ZNF28: variants seen among roughly 807,000 people sequenced by gnomAD.
ZNF28 encodes zinc finger protein 28, also known as zinc finger protein KOX24.
In ZNF28, 5 loss-of-function variants were observed where a neutral mutation model predicts 7.2. That is an observed-to-expected ratio of 0.70 (90% CI 0.36 to 1.46). The LOEUF is 1.46. Ranked by LOEUF, ZNF28 falls within the 40% of genes most tolerant of loss-of-function variation. ZNF28 has a pLI of 0.03. For synonymous variants in ZNF28, 288 were observed against 292.4 expected, an observed-to-expected ratio of 0.99 and a Z score of 0.15; for missense variants, 879 against 866.6, an observed-to-expected ratio of 1.01 and a Z score of -0.18.
chr19:52,802,768 T>G (rs1056640516), intron 3 of ZNF28, among the ~76,000 whole-genome samples: 2 of 151,586 alleles, frequency 1.3e-5, no homozygotes, highest in African/African-American at 4.8e-5. Context: ...TGACTTTTTT[T>G]TTTTTTTTTT....
At position 52,800,015 on chromosome 19, in the gene ZNF28, A is replaced by T; in HGVS notation, c.1830T>A (p.Asn610Lys). 6.2e-7 allele frequency: 1 copy of T among 1,614,136 alleles called. No individual in the cohort carries two copies. The highest frequency in any genetic ancestry group is 1.6e-4 in the Middle Eastern group (1 of 6,062). ...VHTGEKPYKC[N>K]ECGKTFRQTS... ...TCTGACGGAAGGTCTTGCCACACTCATTACACTTGTAAGGTTTCTCTCCAG... is the reference window on the plus strand; with the variant it reads ...TCTGACGGAAGGTCTTGCCACACTCTTTACACTTGTAAGGTTTCTCTCCAG... Residue 610 changes from asparagine to lysine, a missense_variant, in exon 4 of 4, where the codon AAT (asparagine) becomes AAA (lysine). Physicochemically the swap from Asn to Lys is moderately conservative, Grantham distance 94. This residue lies in a region of ZNF28 where 864 missense variants were observed against 830.2 expected (regional missense o/e 1.04). Coordinates refer to ENST00000457749, the MANE Select transcript of ZNF28 (RefSeq NM_006969.5).
chr19:52,813,366 C>T (rs183514547), intron 2 of ZNF28, among the ~76,000 whole-genome samples: 8 of 148,498 alleles, frequency 5.4e-5, no homozygotes, highest in Admixed American at 4.0e-4. Flanking sequence ...GGGCAGGGGG[C>T]GGCTTATTCA....
Position 52,820,435 on chromosome 19 carries a change from G to C in ZNF28, c.-74+1151C>G, listed in dbSNP as rs115008835. Among the ~76,000 whole-genome samples, 15 of 149,924 alleles carry C rather than the reference G, an allele frequency of 1.0e-4. 2 individuals carry two copies. The highest frequency in any genetic ancestry group is 1.5e-4 in the Non-Finnish European group (10 of 67,860). On this transcript the variant is annotated intron_variant, in intron 1 of 3. Transcript: ENST00000457749. ...CCCGGCCCTTATTTAACCTCTTGTT[G>C]GTCCTTCTCCCCAATCTTTAGATCG...
intron 2 of ZNF28, 97 bp from the exon 3 acceptor site, chr19:52,808,230 T>C: frequency 6.5e-7 from 1 of 1,550,274 alleles, no homozygotes; most frequent in South Asian, 1.2e-5. Flanking sequence ...TTAGTTGTAG[T>C]GAATGTTCTC....
chr19:52,817,800 T>C lies in ZNF28; in HGVS notation c.15+144A>G, dbSNP rs1056383413. 5 of 1,533,308 alleles carry C rather than the reference T, an allele frequency of 3.3e-6. No homozygotes were observed. In the African/African-American group the frequency reaches 5.5e-5, roughly 17 times the overall value. 95.0% of individuals were successfully genotyped at this position (1,533,308 alleles called of 1,614,324 possible). ...CACCAGAGATGGAATCTAAGCGAGA[T>C]GAGATGAACTGAAGGAAGGCATGGG... On this transcript the variant is annotated intron_variant, in intron 2 of 3. Transcript: ENST00000457749.
chr19:52,807,771 A>T lies in ZNF28; in HGVS notation c.142+236T>A, dbSNP rs1052547936. 9.9e-6 allele frequency: 7 copies of T among 709,956 alleles called. No individual in the cohort carries two copies. In the African/African-American group the frequency reaches 1.3e-4, roughly 13 times the overall value. 44.0% of individuals were successfully genotyped at this position (709,956 alleles called of 1,614,324 possible). A position where few individuals can be genotyped will look rare whatever the true frequency, so the allele number is the denominator to read the frequency against. On this transcript the variant is annotated intron_variant, in intron 3 of 3. Coordinates refer to ENST00000457749, the MANE Select transcript of ZNF28 (RefSeq NM_006969.5). ...ATAACAGGCGTGAGCCACCACGACC[A>T]GGCTGCCATAAAGTTTTATGCCTAC... is the stretch of plus-strand genomic sequence containing the variant.
intron 1 of ZNF28, among the ~76,000 whole-genome samples, chr19:52,820,858 T>C (rs1407336984): frequency 6.6e-6 from 1 of 152,134 alleles, no homozygotes; most frequent in Non-Finnish European, 1.5e-5. Flanking sequence ...TGGGTCTTTC[T>C]CATTCTTCTT....
chr19:52,799,398 G>A lies in ZNF28; in HGVS notation c.*290C>T. On this transcript the variant is annotated 3_prime_UTR_variant, in exon 4 of 4. Coordinates refer to ENST00000457749, the MANE Select transcript of ZNF28 (RefSeq NM_006969.5). ...CATTTTCTTATGTGTTTCAAGGTTT[G>A]ATTTGCAACCGAAAACTTTGTCACA... 1 of 634,930 alleles carries A rather than the reference G, an allele frequency of 1.6e-6. No homozygotes were observed. The highest frequency in any genetic ancestry group is 2.8e-5 in the East Asian group (1 of 35,926). The allele number at this position is 634,930 out of a possible 1,614,324, so 39.3% of individuals were successfully genotyped here.
At chr19:52,802,063 C>T (rs771010379) in intron 3 of ZNF28, among the ~76,000 whole-genome samples, 6 of 152,178 alleles carry the variant, frequency 3.9e-5, no homozygotes, top group African/African-American at 9.6e-5. Flanking sequence ...ATATTTACAG[C>T]GTATTTAGTG....
At chr19:52,809,732 G>A in intron 2 of ZNF28, 1 of 412,424 alleles carries the variant, frequency 2.4e-6, no homozygotes. Flanking sequence ...TTTAACCCAG[G>A]AGGAGGGGGT....
intron 2 of ZNF28, chr19:52,810,802 T>C (rs1305620442): frequency 2.4e-6 from 1 of 415,642 alleles, no homozygotes; most frequent in East Asian, 4.6e-5. Context: ...AAGATGACCT[T>C]GATGGAAAAA....
rs1297846720 is a variant in ZNF28, at chr19:52,797,697, GATTAAAAACATAT to G, written c.*1978_*1990del. 11 of 153,806 alleles carry G rather than the reference GATTAAAAACATAT, an allele frequency of 7.2e-5. No individual in the cohort carries two copies. The highest frequency in any genetic ancestry group is 5.9e-5 in the Non-Finnish European group (4 of 68,038). 9.5% of individuals were successfully genotyped at this position (153,806 alleles called of 1,614,324 possible). A position where few individuals can be genotyped will look rare whatever the true frequency, so the allele number is the denominator to read the frequency against. On this transcript the variant is annotated 3_prime_UTR_variant, in exon 4 of 4. Transcript: ENST00000457749. ...GAAATCTACAAACATTGATCAAAATGATTAAAAACATATAAATACACATACAATCCATACTGAT... is the reference window on the plus strand; with the variant it reads ...GAAATCTACAAACATTGATCAAAATGAAATACACATACAATCCATACTGAT...
chr19:52,821,183 A>T (rs1325766323), intron 1 of ZNF28, among the ~76,000 whole-genome samples: 3 of 144,444 alleles, frequency 2.1e-5, no homozygotes, highest in Non-Finnish European at 4.5e-5. Flanking sequence ...GGATCCCAGG[A>T]CCACAGAACG....
chr19:52,807,187 A>G (rs942471796), intron 3 of ZNF28, among the ~76,000 whole-genome samples: 3 of 152,212 alleles, frequency 2.0e-5, no homozygotes, highest in African/African-American at 7.2e-5. Flanking sequence ...TCCAACATGG[A>G]GACAGCAGGT....
At chr19:52,806,667 T>C (rs570266844) in intron 3 of ZNF28, among the ~76,000 whole-genome samples, 42 of 151,442 alleles carry the variant, frequency 2.8e-4, no homozygotes, top group African/African-American at 8.8e-4. Context: ...TTTGGGAATC[T>C]GAGGCAAGTG....
chr19:52,809,951 C>A, intron 2 of ZNF28: 1 of 824,290 alleles, frequency 1.2e-6, no homozygotes, highest in Non-Finnish European at 2.1e-6. Flanking sequence ...CCCCGGGGGG[C>A]GCAGGGGACG....
chr19:52,809,946 G>C (rs1183815349), intron 2 of ZNF28: 3 of 833,894 alleles, frequency 3.6e-6, no homozygotes, highest in African/African-American at 3.3e-5. Context: ...GGTTGCCCCG[G>C]GGGGCGCAGG....
intron 3 of ZNF28, among the ~76,000 whole-genome samples, chr19:52,804,338 CAGGCTGG>C (rs1441488692): frequency 1.3e-5 from 2 of 152,166 alleles, no homozygotes. Context: ...CTCTATCACC[CAGGCTGG>C]AGTGTAGTGG....
In ZNF28 at chr19:52,799,752, T is replaced by C. The variant is rs1181520447; in HGVS notation, c.2093A>G (p.Lys698Arg). 1.9e-6 allele frequency: 3 copies of C among 1,614,144 alleles called. No homozygotes were observed. Among genetic ancestry groups the C allele is most frequent in the South Asian group, 1.1e-5 (1 of 91,074 alleles). Residue 698 changes from lysine to arginine, a missense_variant, in exon 4 of 4, where the codon AAG becomes AGG. By Grantham distance (26) the Lys-to-Arg change is conservative (BLOSUM62 2). Coordinates refer to ENST00000457749, the MANE Select transcript of ZNF28 (RefSeq NM_006969.5). The part of the protein sequence containing the change: ...EKPYKCNECG[K>R]TFSQMSNLVY... Reference sequence around the variant, plus strand: ...AAGGTTTGACATCTGACTGAAGGTCTTGCCACACTCATTACACTTGTAAGG... The same window carrying C: ...AAGGTTTGACATCTGACTGAAGGTCCTGCCACACTCATTACACTTGTAAGG...
Sources: allele counts gnomAD v4.1 joint callset (sites outside exome capture counted in the v4.1 genomes callset), GRCh38; gene constraint gnomAD v4.1.1; regional missense constraint gnomAD v4.1.1; transcripts MANE v1.5; gene names NCBI Gene and HGNC (gene_info 2026-07-23, HGNC 2026-07-21).